Variants in WARS1 observed in about 807,000 individuals in gnomAD.
The protein encoded by WARS1 is tryptophan--tRNA ligase, cytoplasmic.
A neutral mutation model predicts 47.8 loss-of-function variants in WARS1; 17 were observed. The ratio of observed to expected loss-of-function variants is 0.36; its 90% confidence interval spans 0.24 to 0.53. The LOEUF is 0.53. Among genes scored for constraint, WARS1 ranks in the 20% least tolerant of loss-of-function variants. WARS1 has a pLI of 0.91. For missense variants in WARS1, 434 were observed against 608.0 expected, an observed-to-expected ratio of 0.71 and a Z score of 3.01; for synonymous variants, 208 against 228.1, an observed-to-expected ratio of 0.91 and a Z score of 0.79.
rs765712404 is a variant in WARS1 at position 100,361,914 on chromosome 14, A to G, written c.107T>C (p.Ile36Thr). ...CACCAACATCTTTACTGCAGAATCA[A>G]TTTCATCCTGAGAGAGGAAATAAAA... ...LKAGNASKDE[I>T]DSAVKMLVSL... The change falls in exon 3 of 11, where the codon ATT (isoleucine) becomes ACT (threonine). Residue 36 changes from isoleucine to threonine, a missense_variant. Coordinates refer to ENST00000392882, the MANE Select transcript of WARS1 (RefSeq NM_004184.4). 9 of 1,614,156 alleles carry G rather than the reference A, an allele frequency of 5.6e-6. No homozygotes were observed. The highest frequency in any genetic ancestry group is 7.6e-6 in the Non-Finnish European group (9 of 1,180,022).
At chr14:100,362,915 G>C (rs1194856146) in intron 2 of WARS1, among the ~76,000 whole-genome samples, 1 of 152,168 alleles carries the variant, frequency 6.6e-6, no homozygotes, top group Non-Finnish European at 1.5e-5. Context: ...ATAAAGGACT[G>C]TGATTCTGGA....
At chr14:100,355,608 T>C (rs1895260343) in intron 4 of WARS1, among the ~76,000 whole-genome samples, 1 of 152,164 alleles carries the variant, frequency 6.6e-6, no homozygotes, top group Non-Finnish European at 1.5e-5. Context: ...TGTCCTTTGT[T>C]TCTGGGTAAA....
intron 2 of WARS1, among the ~76,000 whole-genome samples, chr14:100,364,049 T>C (rs1332688886): frequency 1.3e-5 from 2 of 152,192 alleles, no homozygotes; most frequent in African/African-American, 4.8e-5. Context: ...GGGTGGCTTC[T>C]AGGTGCTCTC....
At chr14:100,362,316 T>C (rs761694384) in intron 2 of WARS1, among the ~76,000 whole-genome samples, 5 of 152,206 alleles carry the variant, frequency 3.3e-5, no homozygotes, top group Non-Finnish European at 5.9e-5. Context: ...TTAATTGAGA[T>C]TCCTGGAGTT....
intron 8 of WARS1, 120 bp from the exon 9 acceptor site, chr14:100,342,691 C>T (rs1010797144): frequency 1.8e-5 from 16 of 866,292 alleles, no homozygotes; most frequent in East Asian, 2.8e-5. Context: ...AAGAAATTCA[C>T]TCCCTCCTCC....
At chr14:100,370,960 T>G (rs1566870098) in intron 1 of WARS1, among the ~76,000 whole-genome samples, 1 of 151,824 alleles carries the variant, frequency 6.6e-6, no homozygotes, top group Non-Finnish European at 1.5e-5. Flanking sequence ...AAAAATAAAA[T>G]AAAATAAAAC....
intron 10 of WARS1, 50 bp from the exon 11 acceptor site, chr14:100,335,086 T>A (rs2234532): frequency 4.4e-6 from 7 of 1,591,360 alleles, no homozygotes; most frequent in South Asian, 2.2e-5. Flanking sequence ...ATGTCCTGAG[T>A]GGCTCCTTCC....
chr14:100,338,226 T>TC (rs1261420626), intron 9 of WARS1, among the ~76,000 whole-genome samples: 1 of 152,062 alleles, frequency 6.6e-6, no homozygotes, highest in African/African-American at 2.4e-5. Context: ...TAGGTGAAAC[T>TC]CCTTCAACAT....
intron 9 of WARS1, among the ~76,000 whole-genome samples, chr14:100,338,829 G>A (rs191614097): frequency 2.6e-5 from 4 of 151,904 alleles, no homozygotes; most frequent in African/African-American, 7.2e-5. Flanking sequence ...CAGAGCAGCC[G>A]GGTGCAGTGG....
At position 100,374,617 on chromosome 14, in the gene WARS1, G is replaced by A. The variant is rs774637819; in HGVS notation, c.-74+666C>T. 2.6e-5 allele frequency among the ~76,000 whole-genome samples: 4 copies of A among 152,216 alleles called. No individual in the cohort carries two copies. The South Asian group carries it at 8.3e-4, about 32-fold the overall frequency. ...AATCATCTCACAGAGATCAGGGCAC[G>A]CTGATTCTGCAATCTGGGGAAGGGT... On this transcript the variant is annotated intron_variant, in intron 1 of 10. Coordinates refer to ENST00000392882, the MANE Select transcript of WARS1 (RefSeq NM_004184.4).
chr14:100,349,338 G>A (rs1894823053), intron 6 of WARS1, among the ~76,000 whole-genome samples: 2 of 152,122 alleles, frequency 1.3e-5, no homozygotes, highest in African/African-American at 4.8e-5. Context: ...TAGAAGAGAG[G>A]CTTTACACAG....
Position 100,342,499 on chromosome 14 carries a change from T to C in WARS1, c.1012A>G (p.Thr338Ala). 2.5e-6 allele frequency: 4 copies of C among 1,613,896 alleles called. No individual in the cohort carries two copies. The highest frequency in any genetic ancestry group is 3.4e-6 in the Non-Finnish European group (4 of 1,179,960). The change falls in exon 9 of 11, where the codon ACC becomes GCC. Residue 338 changes from threonine to alanine, a missense_variant. This residue lies in a region of WARS1 where 347 missense variants were observed against 523.8 expected (regional missense o/e 0.66). Transcript: ENST00000392882. ...GYPKPALLHS[T>A]FFPALQGAQT... ...GCGCCCTGCAGGGCTGGGAAGAAGG[T>C]GGAGTGCAGCAGGGCTGGTTTAGGA...
In WARS1 at chr14:100,342,418, C is replaced by T. The variant is rs1374676012; in HGVS notation, c.1093G>A (p.Ala365Thr). The change falls in exon 9 of 11, where the codon GCC becomes ACC. Residue 365 changes from alanine to threonine, a missense_variant. Around this residue, in one of 2 missense-constraint regions of WARS1, gnomAD observed 347 missense variants for 523.8 expected, o/e 0.66. Coordinates refer to ENST00000392882, the MANE Select transcript of WARS1 (RefSeq NM_004184.4). Reference protein sequence around the residue: ...PNSSIFLTDTAKQIKTKVNKH... With the variant: ...PNSSIFLTDTTKQIKTKVNKH... ...CTCACCTTGGTTTTGATCTGCTTGG[C>T]CGTGTCGGTGAGGAAGATGGAGGAG... is the stretch of plus-strand genomic sequence containing the variant. The T allele has an allele frequency of 1.5e-5, 25 of 1,613,824 alleles. No homozygotes were observed. The highest frequency in any genetic ancestry group is 2.0e-5 in the Non-Finnish European group (24 of 1,179,932).
chr14:100,337,228 G>C, intron 9 of WARS1, 26 bp from the exon 10 acceptor site: 1 of 1,610,778 alleles, frequency 6.2e-7, no homozygotes, highest in Non-Finnish European at 8.5e-7. Context: ...ACACAGACAC[G>C]CTCCTCAGTC....
At chr14:100,361,944 T>A in intron 2 of WARS1, 23 bp from the exon 3 acceptor site, 1 of 1,611,384 alleles carries the variant, frequency 6.2e-7, no homozygotes. Flanking sequence ...ATAAAAGGGA[T>A]GGCTAAAAGT....
intron 4 of WARS1, among the ~76,000 whole-genome samples, chr14:100,357,728 T>C (rs1406158033): frequency 1.3e-5 from 2 of 152,226 alleles, no homozygotes; most frequent in African/African-American, 2.4e-5. Flanking sequence ...CCCAAAGTGT[T>C]GGGATTACAG....
intron 2 of WARS1, among the ~76,000 whole-genome samples, chr14:100,364,758 A>C (rs537715332): frequency 3.4e-4 from 52 of 152,354 alleles, no homozygotes; most frequent in African/African-American, 1.2e-3. Flanking sequence ...CATTTACTAA[A>C]TGTTATTCAA....
intron 7 of WARS1, among the ~76,000 whole-genome samples, chr14:100,343,912 C>G (rs563651176): frequency 3.3e-5 from 5 of 152,204 alleles, no homozygotes; most frequent in Non-Finnish European, 5.9e-5. Context: ...GGATTACAGG[C>G]GTGAGCCACG....
intron 9 of WARS1, among the ~76,000 whole-genome samples, chr14:100,341,170 C>T (rs1894138185): frequency 6.6e-6 from 1 of 152,144 alleles, no homozygotes; most frequent in Non-Finnish European, 1.5e-5. Context: ...CCTGCCTCGG[C>T]CTCTCAAAGT....
Sources: allele counts gnomAD v4.1 joint callset (sites outside exome capture counted in the v4.1 genomes callset), GRCh38; gene constraint gnomAD v4.1.1; regional missense constraint gnomAD v4.1.1; transcripts MANE v1.5; gene names NCBI Gene and HGNC (gene_info 2026-07-23, HGNC 2026-07-21).